COL27A1: variants seen among roughly 807,000 people sequenced by gnomAD.
COL27A1 encodes collagen alpha-1(XXVII) chain.
In COL27A1, 106 loss-of-function variants were observed where a neutral mutation model predicts 251.3. The ratio of observed to expected loss-of-function variants is 0.42; its 90% CI spans 0.36 to 0.50. The LOEUF (loss-of-function observed/expected upper bound fraction) is 0.50. COL27A1 is among the 20% of genes least tolerant of loss of function. The pLI is 0.00. For synonymous variants in COL27A1, 1,000 were observed against 986.3 expected, an observed-to-expected ratio of 1.01 and a Z score of -0.26; for missense variants, 2,325 against 2,522.8, an observed-to-expected ratio of 0.92 and a Z score of 1.68.
rs995944576 is a variant in COL27A1 at position 114,310,462 on chromosome 9, T to C, written c.5437-87T>C. On this transcript the variant is annotated intron_variant, in intron 60 of 60. Coordinates refer to ENST00000356083, the MANE Select transcript of COL27A1 (RefSeq NM_032888.4). ...GAAATACAGTATAGCCATTAAAAAT[T>C]GTGAGGAAAGATGGAAGGGAAAATG... The C allele has an allele frequency of 1.1e-5, 16 of 1,467,832 alleles. No homozygotes were observed. The African/African-American group carries it at 1.9e-4, about 18-fold the overall frequency. The allele number at this position is 1,467,832 out of a possible 1,614,324, so 90.9% of individuals were successfully genotyped here. A position where few individuals can be genotyped will look rare whatever the true frequency, so the allele number is the denominator to read the frequency against.
intron 10 of COL27A1, among the ~76,000 whole-genome samples, chr9:114,207,142 A>AG (rs1830023559): frequency 6.6e-6 from 1 of 152,190 alleles, no homozygotes; most frequent in African/African-American, 2.4e-5. Flanking sequence ...ATGCTCAGGA[A>AG]GGGGGTCACA....
chr9:114,157,206 C>T (rs542067879), intron 1 of COL27A1, among the ~76,000 whole-genome samples: 1 of 152,190 alleles, frequency 6.6e-6, no homozygotes, highest in African/African-American at 2.4e-5. Flanking sequence ...TGGTGCCAGG[C>T]GAGCACCCCA....
At chr9:114,165,387 C>A in intron 2 of COL27A1, among the ~76,000 whole-genome samples, 1 of 151,406 alleles carries the variant, frequency 6.6e-6, no homozygotes, top group East Asian at 1.9e-4. Flanking sequence ...ATCCAATATC[C>A]ATCCATCCAT....
At chr9:114,269,360 C>T (rs766857799) in intron 35 of COL27A1, 66 bp downstream of exon 35, 3 of 1,196,166 alleles carry the variant, frequency 2.5e-6, no homozygotes, top group Non-Finnish European at 3.6e-6. Flanking sequence ...GGGGAAGAGA[C>T]CGGCTTTTCT....
At position 114,252,599 on chromosome 9, in the gene COL27A1, C is replaced by T. The variant is rs752193524; in HGVS notation, c.3040C>T (p.Arg1014Cys). The T allele has an allele frequency of 1.5e-5, 24 of 1,613,792 alleles. No homozygotes were observed. The highest frequency in any genetic ancestry group is 5.3e-5 in the African/African-American group (4 of 74,922). The change falls in exon 26 of 61, where the codon CGT (arginine) becomes TGT (cysteine). Residue 1014 changes from arginine (R) to cysteine (C), a missense_variant. Physicochemically the swap from Arg to Cys is radical, Grantham distance 180. Transcript: ENST00000356083. ...ATTGCTGTCTCCATCACAGGGTGATCGTGGCATGATGGGACCCCCAGGCGT... is the reference window on the plus strand; with the variant it reads ...ATTGCTGTCTCCATCACAGGGTGATTGTGGCATGATGGGACCCCCAGGCGT... ...EPGIVGEKGD[R>C]GMMGPPGVPG...
At chr9:114,217,060 A>G (rs1484841360) in intron 12 of COL27A1, among the ~76,000 whole-genome samples, 1 of 152,154 alleles carries the variant, frequency 6.6e-6, no homozygotes, top group Non-Finnish European at 1.5e-5. Flanking sequence ...CAGTTTCCTC[A>G]TCTCAAAAAT....
rs377141342 is a variant in COL27A1, at chr9:114,309,397, C to A, written c.5355C>A (p.Ala1785=). ...EGTGQTPAKQ[A]VRFRAWNGQI... is the part of the protein sequence containing the mutation. ...CTGGGCAGACCCCAGCCAAGCAGGC[C>A]GTACGCTTCCGGGCCTGGAATGGAC... The change falls in exon 60 of 61, where the codon GCC becomes GCA. Residue 1785 remains alanine (A), a synonymous_variant. Transcript: ENST00000356083. The A allele has an allele frequency of 6.2e-7, 1 of 1,614,096 alleles. No individual in the cohort carries two copies. The highest frequency in any genetic ancestry group is 8.5e-7 in the Non-Finnish European group (1 of 1,180,034).
chr9:114,259,203 G>A (rs1357613507), intron 28 of COL27A1, among the ~76,000 whole-genome samples: 1 of 152,186 alleles, frequency 6.6e-6, no homozygotes, highest in Non-Finnish European at 1.5e-5. Flanking sequence ...GGTATCCTCA[G>A]GGTCAAAAGA....
chr9:114,244,928 T>C (rs921201866), intron 23 of COL27A1, among the ~76,000 whole-genome samples: 1 of 152,104 alleles, frequency 6.6e-6, no homozygotes, highest in Non-Finnish European at 1.5e-5. Flanking sequence ...GGCCACCCAA[T>C]GTGAAAGTGG....
At position 114,252,967 on chromosome 9, in the gene COL27A1, C is replaced by T. The variant is rs182870722; in HGVS notation, c.3141+35C>T. 1.7e-4 allele frequency: 263 copies of T among 1,574,688 alleles called. No homozygotes were observed. The African/African-American group carries it at 3.3e-3, about 20-fold the overall frequency. ...GCCCTCGTGATCCCTAAGCTCAAAC[C>T]ACTGTCAGATAAGGGTTAGGTGGCT... On this transcript the variant is annotated intron_variant, in intron 27 of 60. Transcript: ENST00000356083.
At chr9:114,251,174 G>GT (rs773080184) in intron 25 of COL27A1, among the ~76,000 whole-genome samples, 5 of 152,096 alleles carry the variant, frequency 3.3e-5, no homozygotes, top group Admixed American at 1.3e-4. Context: ...GCCTCATGTT[G>GT]GCTCCCAGCT....
At chr9:114,194,250 G>C (rs1430285019) in intron 5 of COL27A1, among the ~76,000 whole-genome samples, 154 bp from the exon 6 acceptor site, 1 of 152,208 alleles carries the variant, frequency 6.6e-6, no homozygotes, top group Non-Finnish European at 1.5e-5. Context: ...CAGGGGAGTA[G>C]TAGAATTGGA....
intron 3 of COL27A1, among the ~76,000 whole-genome samples, chr9:114,175,059 T>C (rs984016100): frequency 3.1e-4 from 3 of 9,588 alleles, no homozygotes; most frequent in African/African-American, 2.1e-3. Context: ...GCAGAGGCTC[T>C]TCCAGCTGGA....
intron 42 of COL27A1, 89 bp downstream of exon 42, chr9:114,288,600 C>T: frequency 6.5e-7 from 1 of 1,543,806 alleles, no homozygotes; most frequent in East Asian, 2.3e-5. Flanking sequence ...CGATCAGGGG[C>T]CAGGTCCCTG....
chr9:114,267,629 A>C, intron 34 of COL27A1, 72 bp downstream of exon 34: 1 of 1,364,824 alleles, frequency 7.3e-7, no homozygotes, highest in Non-Finnish European at 1.0e-6. Flanking sequence ...CATCCTCTCC[A>C]TGGAAGAGAA....
intron 28 of COL27A1, among the ~76,000 whole-genome samples, chr9:114,259,121 G>C (rs1259356399): frequency 6.6e-6 from 1 of 152,230 alleles, no homozygotes; most frequent in East Asian, 1.9e-4. Flanking sequence ...GGCAGTGCTT[G>C]AGTTGATGCC....
Position 114,290,777 on chromosome 9 carries a change from CAA to C in COL27A1, c.4369-32_4369-31del. The C allele has an allele frequency of 6.7e-7, 1 of 1,489,956 alleles. No homozygotes were observed. Among genetic ancestry groups the C allele is most frequent in the African/African-American group, 1.4e-5 (1 of 71,206 alleles). 92.3% of individuals were successfully genotyped at this position (1,489,956 alleles called of 1,614,324 possible). On this transcript the variant is annotated intron_variant, in intron 47 of 60. Coordinates refer to ENST00000356083, the MANE Select transcript of COL27A1 (RefSeq NM_032888.4). The surrounding 1 kb of genome is among the most constrained non-coding windows in gnomAD (Gnocchi z 4.6). ...GCTTCCTTGGCTGTATCGTGAAACA[CAA>C]GAGACCCTCCTCTGCCTGCTTTCTT...
chr9:114,282,574 C>T lies in COL27A1; in HGVS notation c.3879+10C>T. 6.7e-7 allele frequency: 1 copy of T among 1,488,028 alleles called. No homozygotes were observed. 92.2% of individuals were successfully genotyped at this position (1,488,028 alleles called of 1,614,324 possible). A position where few individuals can be genotyped will look rare whatever the true frequency, so the allele number is the denominator to read the frequency against. On this transcript the variant is annotated intron_variant, in intron 39 of 60. Coordinates refer to ENST00000356083, the MANE Select transcript of COL27A1 (RefSeq NM_032888.4). ...CAGCCTGGGACCAACGGTGAGGACT[C>T]TCTGGCTGGGGTGGGGGAGTCAGAT...
rs1412585463 is a variant in COL27A1, at chr9:114,292,171, C to A, written c.4545C>A (p.Leu1515=). The A allele has an allele frequency of 6.4e-6, 10 of 1,559,118 alleles. No individual in the cohort carries two copies. Among genetic ancestry groups the A allele is most frequent in the Non-Finnish European group, 8.7e-6 (10 of 1,151,426 alleles). The change falls in exon 49 of 61, where the codon CTC becomes CTA. Residue 1515 remains leucine (L), a synonymous_variant. Transcript: ENST00000356083. ...GKRGTEGRTG[L]PGNQGEPGSK... Reference sequence around the variant, plus strand: ...GAGGAACAGAGGGCAGAACGGGGCTCCCTGGAAACCAGGGGGAGCCTGGGT... The same window carrying A: ...GAGGAACAGAGGGCAGAACGGGGCTACCTGGAAACCAGGGGGAGCCTGGGT...
Sources: allele counts gnomAD v4.1 joint callset (sites outside exome capture counted in the v4.1 genomes callset), GRCh38; gene constraint gnomAD v4.1.1; non-coding constraint Gnocchi (gnomAD v3.1); transcripts MANE v1.5; gene names NCBI Gene and HGNC (gene_info 2026-07-23, HGNC 2026-07-21).